The following KCNIP4 variants were observed in gnomAD, a reference collection of about 807,000 sequenced individuals.
KCNIP4 encodes the protein Kv channel-interacting protein 4.
Under a neutral mutation model 34.0 loss-of-function variants are expected in KCNIP4, and 12 were observed. The ratio of observed to expected loss-of-function variants is 0.35; its 90% confidence interval spans 0.23 to 0.57. KCNIP4 has a LOEUF of 0.57. KCNIP4 is among the 20% of genes least tolerant of loss of function. KCNIP4 has a pLI of 0.83. For missense variants in KCNIP4, 238 were observed against 311.7 expected (o/e 0.76, Z 1.78); for synonymous variants, 124 against 102.2 (o/e 1.21, Z -1.29).
chr4:21,048,635 G>T (rs534773441), intron 1 of KCNIP4, among the ~76,000 whole-genome samples: 1 of 152,216 alleles, frequency 6.6e-6, no homozygotes, highest in South Asian at 2.1e-4. Context: ...GTACACAGTG[G>T]GTACTCAAAA....
chr4:21,352,611 C>G (rs1718128343), intron 1 of KCNIP4, among the ~76,000 whole-genome samples: 1 of 152,204 alleles, frequency 6.6e-6, no homozygotes, highest in African/African-American at 2.4e-5. Context: ...AGCAGGTAAA[C>G]AAAGCAGCCA....
chr4:21,770,620 C>T (rs535896627), intron 1 of KCNIP4, among the ~76,000 whole-genome samples: 1 of 152,112 alleles, frequency 6.6e-6, no homozygotes, highest in Admixed American at 6.6e-5. Flanking sequence ...AGCATCGTTT[C>T]CTGACTTTTT....
intron 1 of KCNIP4, among the ~76,000 whole-genome samples, chr4:20,931,338 G>T (rs552222148): frequency 6.6e-6 from 1 of 152,070 alleles, no homozygotes; most frequent in Non-Finnish European, 1.5e-5. Flanking sequence ...AAGAAAAATA[G>T]AGTCATGTAT....
chr4:21,759,540 A>T (rs1717901084), intron 1 of KCNIP4, among the ~76,000 whole-genome samples: 1 of 152,194 alleles, frequency 6.6e-6, no homozygotes. Context: ...CTTTTCATAG[A>T]CATCAGAAAT....
intron 1 of KCNIP4, among the ~76,000 whole-genome samples, chr4:21,615,676 G>T (rs1445501388): frequency 6.6e-6 from 1 of 152,136 alleles, no homozygotes; most frequent in South Asian, 2.1e-4. Context: ...TAAAATGGAA[G>T]CTATTCCTGC....
intron 3 of KCNIP4, among the ~76,000 whole-genome samples, chr4:20,832,608 T>G (rs1718555297): frequency 6.6e-6 from 1 of 151,754 alleles, no homozygotes; most frequent in Non-Finnish European, 1.5e-5. Context: ...AGGGAATATA[T>G]TAAAAATGAA....
intron 1 of KCNIP4, among the ~76,000 whole-genome samples, chr4:21,428,198 G>C (rs1317043073): frequency 6.6e-6 from 1 of 152,158 alleles, no homozygotes; most frequent in East Asian, 1.9e-4. Flanking sequence ...CAGGCATAGT[G>C]CTGTCTCTGT....
intron 1 of KCNIP4, among the ~76,000 whole-genome samples, chr4:21,158,225 A>C (rs904490626): frequency 2.6e-5 from 4 of 152,130 alleles, no homozygotes; most frequent in Admixed American, 1.3e-4. Context: ...TCTACCAAAC[A>C]TACAACGGGG....
At position 21,835,109 on chromosome 4, in the gene KCNIP4, T is replaced by C. The variant is rs541470167; in HGVS notation, c.61+113462A>G. Among the ~76,000 whole-genome samples the C allele has an allele frequency of 9.2e-5, 14 of 152,224 alleles. 1 individual carries two copies. The South Asian group carries it at 2.9e-3, about 32-fold the overall frequency. The stretch of plus-strand genomic sequence containing the variant: ...ATTAAATTTAAAGTGAAAAGCAAAA[T>C]TTTAAAACTTTCAGGAAAAAAGTTT... On this transcript the variant is annotated intron_variant, in intron 1 of 8. Coordinates refer to ENST00000382152, the MANE Select transcript of KCNIP4 (RefSeq NM_025221.6).
intron 1 of KCNIP4, among the ~76,000 whole-genome samples, chr4:21,918,074 G>C (rs1728738409): frequency 6.6e-6 from 1 of 152,094 alleles, no homozygotes; most frequent in Admixed American, 6.5e-5. Context: ...CAACATGTTT[G>C]GTAAAATTGT....
chr4:21,029,452 T>A (rs1235296389), intron 1 of KCNIP4, among the ~76,000 whole-genome samples: 1 of 152,218 alleles, frequency 6.6e-6, no homozygotes, highest in Admixed American at 6.5e-5. Flanking sequence ...ACAGCCAACC[T>A]ATGCTACTGG....
intron 1 of KCNIP4, among the ~76,000 whole-genome samples, chr4:21,355,211 A>G (rs962832880): frequency 6.6e-6 from 1 of 152,202 alleles, no homozygotes; most frequent in African/African-American, 2.4e-5. Context: ...AAAGGTCTAA[A>G]ATTGACAACC....
At chr4:21,548,808 C>T (rs1738340369) in intron 1 of KCNIP4, among the ~76,000 whole-genome samples, 1 of 151,852 alleles carries the variant, frequency 6.6e-6, no homozygotes, top group Non-Finnish European at 1.5e-5. Context: ...ATGAGGAAAC[C>T]CTCTCTCACC....
At chr4:21,567,159 C>T (rs182012207) in intron 1 of KCNIP4, among the ~76,000 whole-genome samples, 3 of 152,164 alleles carry the variant, frequency 2.0e-5, no homozygotes, top group Admixed American at 1.3e-4. Context: ...TATATGCTTG[C>T]TTCTACTTTA....
intron 1 of KCNIP4, among the ~76,000 whole-genome samples, chr4:21,533,445 C>G (rs148010990): frequency 6.6e-6 from 1 of 152,124 alleles, no homozygotes; most frequent in African/African-American, 2.4e-5. Flanking sequence ...TGGTCCAGAA[C>G]CAATAGCTTG....
intron 1 of KCNIP4, among the ~76,000 whole-genome samples, chr4:21,735,576 T>C (rs1715931414): frequency 1.3e-5 from 2 of 152,134 alleles, no homozygotes; most frequent in South Asian, 4.1e-4. Flanking sequence ...GGATTTGCAC[T>C]CAGGAGTTCA....
At chr4:21,554,326 C>T (rs1738813114) in intron 1 of KCNIP4, among the ~76,000 whole-genome samples, 1 of 152,036 alleles carries the variant, frequency 6.6e-6, no homozygotes, top group South Asian at 2.1e-4. Flanking sequence ...GAGCAGGGGG[C>T]TGTGCTTGTC....
chr4:21,077,376 C>A (rs1344293319), intron 1 of KCNIP4, among the ~76,000 whole-genome samples: 1 of 152,112 alleles, frequency 6.6e-6, no homozygotes, highest in Non-Finnish European at 1.5e-5. Flanking sequence ...ATCATGTAGT[C>A]TTGCCTTCTC....
chr4:21,032,083 G>A (rs777772305), intron 1 of KCNIP4, among the ~76,000 whole-genome samples: 2 of 152,188 alleles, frequency 1.3e-5, no homozygotes, highest in African/African-American at 2.4e-5. Context: ...CATGGCAGAT[G>A]AGGAATGACA....
Sources: allele counts gnomAD v4.1 joint callset (sites outside exome capture counted in the v4.1 genomes callset), GRCh38; gene constraint gnomAD v4.1.1; transcripts MANE v1.5; gene names NCBI Gene and HGNC (gene_info 2026-07-23, HGNC 2026-07-21).